ADAMTSL1: variants seen among roughly 807,000 people sequenced by gnomAD.
ADAMTSL1 encodes the protein ADAMTS-like protein 1.
In ADAMTSL1, 126 loss-of-function variants were observed where a neutral mutation model predicts 201.8. The observed-to-expected ratio is 0.62, with a 90% CI of 0.54 to 0.72. The LOEUF is 0.72. Ranked by LOEUF, ADAMTSL1 falls within the 30% of genes least tolerant of loss-of-function variation. ADAMTSL1 has a pLI of 0.00. For synonymous variants in ADAMTSL1, 1,121 were observed against 903.4 expected (o/e 1.24, Z -4.32); for missense variants, 2,679 against 2,277.8 (o/e 1.18, Z -3.59).
intron 3 of ADAMTSL1, among the ~76,000 whole-genome samples, chr9:18,572,632 A>C (rs1272142382): frequency 7.1e-6 from 1 of 140,680 alleles, no homozygotes; most frequent in African/African-American, 2.5e-5. Context: ...TTTCTACCCC[A>C]CATTGCCTAG....
At chr9:18,650,870 C>G (rs912194905) in intron 7 of ADAMTSL1, among the ~76,000 whole-genome samples, 7 of 152,172 alleles carry the variant, frequency 4.6e-5, no homozygotes, top group Non-Finnish European at 8.8e-5. Flanking sequence ...TTTGCCTCAT[C>G]AAACCTGTTT....
At chr9:17,934,836 C>T (rs929765301) in intron 1 of ADAMTSL1, among the ~76,000 whole-genome samples, 3 of 151,158 alleles carry the variant, frequency 2.0e-5, no homozygotes, top group African/African-American at 4.9e-5. Flanking sequence ...CAGACTCCAT[C>T]CCCATTTGCC....
intron 2 of ADAMTSL1, among the ~76,000 whole-genome samples, chr9:18,285,983 G>A (rs1254579886): frequency 6.6e-6 from 1 of 151,934 alleles, no homozygotes; most frequent in Non-Finnish European, 1.5e-5. Flanking sequence ...AAACTCGATA[G>A]CAGTCATTCT....
chr9:18,851,494 A>G (rs1342524270), intron 23 of ADAMTSL1, among the ~76,000 whole-genome samples: 1 of 152,208 alleles, frequency 6.6e-6, no homozygotes, highest in Non-Finnish European at 1.5e-5. Flanking sequence ...TGAGAGACTG[A>G]GGCAAATTTT....
chr9:17,936,960 G>T (rs1827035473), intron 1 of ADAMTSL1, among the ~76,000 whole-genome samples: 1 of 152,088 alleles, frequency 6.6e-6, no homozygotes, highest in African/African-American at 2.4e-5. Context: ...CATGGACATG[G>T]TTTTGTACCT....
At chr9:18,505,063 A>G in intron 2 of ADAMTSL1, 107 bp downstream of exon 2, 3 of 1,357,988 alleles carry the variant, frequency 2.2e-6, no homozygotes, top group Non-Finnish European at 2.0e-6. Flanking sequence ...TTACAGATCC[A>G]GATAAAAGAA....
intron 2 of ADAMTSL1, among the ~76,000 whole-genome samples, chr9:18,414,782 A>G (rs73643272): frequency 0.02 from 3,064 of 152,270 alleles, 100 homozygotes; most frequent in African/African-American, 0.071. Context: ...AATCACCTTG[A>G]AGTATCCAGC....
chr9:18,651,139 A>C (rs1028692603), intron 7 of ADAMTSL1: 2 of 152,230 alleles, frequency 1.3e-5, no homozygotes, highest in African/African-American at 2.4e-5. Flanking sequence ...GTGGCCATTC[A>C]GATAAATGGC....
At chr9:18,281,016 C>A (rs1832766750) in intron 2 of ADAMTSL1, among the ~76,000 whole-genome samples, 1 of 151,898 alleles carries the variant, frequency 6.6e-6, no homozygotes, top group African/African-American at 2.4e-5. Flanking sequence ...GCTGGGACCA[C>A]AGGTGTGCAC....
chr9:18,482,205 G>A (rs758852341), intron 1 of ADAMTSL1, among the ~76,000 whole-genome samples: 6 of 152,172 alleles, frequency 3.9e-5, no homozygotes, highest in Non-Finnish European at 7.3e-5. Context: ...AACATATGCC[G>A]TTTATAATAC....
chr9:18,723,994 A>G (rs1817712472), intron 15 of ADAMTSL1: 1 of 152,174 alleles, frequency 6.6e-6, no homozygotes, highest in South Asian at 2.1e-4. Context: ...TTAATTCACA[A>G]TTCTTACTCC....
rs142779175 is a variant in ADAMTSL1 at position 18,123,638 on chromosome 9, C to G, written c.88-40224C>G. Among the ~76,000 whole-genome samples, 586 of 152,144 alleles carry G rather than the reference C, an allele frequency of 3.9e-3. 5 individuals carry two copies. The highest frequency in any genetic ancestry group is 0.013 in the African/African-American group (555 of 41,518). On this transcript the variant is annotated intron_variant, in intron 1 of 29. Transcript: ENST00000680146. ...ATAATTTACATATCATAAGATTTCC[C>G]TATTGTAAATGTATAGGTTCAATGA...
intron 1 of ADAMTSL1, among the ~76,000 whole-genome samples, chr9:18,127,056 G>A (rs75052227): frequency 0.013 from 1,974 of 152,226 alleles, 61 homozygotes; most frequent in Admixed American, 0.078. Context: ...GCAGCTAGGA[G>A]TTGTAAAGAC....
rs952217443 is a variant in ADAMTSL1, at chr9:18,220,640, G to A, written c.207+56659G>A. Among the ~76,000 whole-genome samples the A allele has an allele frequency of 1.2e-4, 18 of 151,848 alleles. No individual in the cohort carries two copies. In the East Asian group the frequency reaches 1.7e-3, roughly 15 times the overall value. ...TGGCATGTTTTGATTTATTTTTACC[G>A]TCTTACTTGGTACTCTCTATTTTGC... is the stretch of plus-strand genomic sequence containing the variant. On this transcript the variant is annotated intron_variant, in intron 2 of 29. Coordinates refer to the ADAMTSL1 transcript ENST00000680146.
chr9:17,985,004 A>C (rs1351673535), intron 1 of ADAMTSL1, among the ~76,000 whole-genome samples: 1 of 152,192 alleles, frequency 6.6e-6, no homozygotes, highest in Non-Finnish European at 1.5e-5. Flanking sequence ...AGAGCAGAAT[A>C]GTGCCTAACA....
chr9:18,860,507 T>C (rs538151075), intron 23 of ADAMTSL1, among the ~76,000 whole-genome samples: 1 of 130,182 alleles, frequency 7.7e-6, no homozygotes, highest in East Asian at 2.0e-4. Flanking sequence ...TATCTGGCCC[T>C]TAAAAAAAAA....
intron 23 of ADAMTSL1, among the ~76,000 whole-genome samples, chr9:18,844,233 T>C (rs1189316904): frequency 6.6e-6 from 1 of 152,220 alleles, no homozygotes; most frequent in Non-Finnish European, 1.5e-5. Context: ...TCTTTTCTGT[T>C]TGTTAGTTTT....
chr9:18,541,047 TC>T (rs1820103138), intron 3 of ADAMTSL1, among the ~76,000 whole-genome samples: 2 of 152,050 alleles, frequency 1.3e-5, no homozygotes, highest in Admixed American at 1.3e-4. Context: ...CTATATAACC[TC>T]CCCTAAGATA....
chr9:18,148,334 A>G (rs1156236855), intron 1 of ADAMTSL1, among the ~76,000 whole-genome samples: 1 of 130,404 alleles, frequency 7.7e-6, no homozygotes, highest in Admixed American at 8.2e-5. Context: ...CACTTCAGTG[A>G]CAGCCAAAAA....
Sources: allele counts gnomAD v4.1 joint callset (sites outside exome capture counted in the v4.1 genomes callset), GRCh38; gene constraint gnomAD v4.1.1; transcripts MANE v1.5; gene names NCBI Gene and HGNC (gene_info 2026-07-23, HGNC 2026-07-21).